RAB27B: variants seen among roughly 807,000 people sequenced by gnomAD.
RAB27B encodes the protein ras-related protein Rab-27B.
RAB27B carries 15 observed loss-of-function variants against 24.6 expected under a neutral mutation model. The observed-to-expected ratio is 0.61, with a 90% CI of 0.41 to 0.94. The LOEUF is 0.94. Ranked by LOEUF, RAB27B falls within the 40% of genes least tolerant of loss-of-function variation. RAB27B has a pLI of 0.00. For missense variants in RAB27B, 261 were observed against 266.8 expected (o/e 0.98, Z 0.15); for synonymous variants, 105 against 92.5 (o/e 1.14, Z -0.78).
intron 1 of RAB27B, among the ~76,000 whole-genome samples, chr18:54,831,211 A>G (rs565139585): frequency 1.3e-5 from 2 of 152,306 alleles, no homozygotes; most frequent in African/African-American, 4.8e-5. Flanking sequence ...GAAAAGCCTC[A>G]CTGAGATGAT....
At chr18:54,790,249 GA>G (rs939189260) in intron 2 of RAB27B, among the ~76,000 whole-genome samples, 32 of 151,660 alleles carry the variant, frequency 2.1e-4, no homozygotes, top group African/African-American at 3.4e-4. Flanking sequence ...ATATTTAAGA[GA>G]AAAAAAAGAT....
chr18:54,851,193 T>C (rs1486416194), intron 1 of RAB27B, among the ~76,000 whole-genome samples: 1 of 152,210 alleles, frequency 6.6e-6, no homozygotes, highest in African/African-American at 2.4e-5. Flanking sequence ...TTGGTTTGGT[T>C]TGCTAAGTGC....
chr18:54,788,719 A>G (rs548208562), intron 2 of RAB27B, among the ~76,000 whole-genome samples: 1 of 152,358 alleles, frequency 6.6e-6, no homozygotes, highest in Non-Finnish European at 1.5e-5. Context: ...AATAAAGAAT[A>G]AAGGATAATA....
chr18:54,773,144 G>C (rs145140835), intron 2 of RAB27B, among the ~76,000 whole-genome samples: 1 of 152,134 alleles, frequency 6.6e-6, no homozygotes, highest in East Asian at 1.9e-4. Flanking sequence ...AAATTGAGCA[G>C]ACATTAGCTT....
rs188980415 is a variant in RAB27B, at chr18:54,885,532, T to C, written c.343+1096T>C. Among the ~76,000 whole-genome samples, 22 of 152,290 alleles carry C rather than the reference T, an allele frequency of 1.4e-4. 1 individual carries two copies. Among genetic ancestry groups the C allele is most frequent in the African/African-American group, 5.3e-4 (22 of 41,576 alleles). On this transcript the variant is annotated intron_variant, in intron 4 of 5. Transcript: ENST00000262094. Reference sequence around the variant, plus strand: ...CCTTTATCTTTTTTCTCTTCTCTCATTTACAGCCCTGTGCTAGTTTCTTCA... The same window carrying C: ...CCTTTATCTTTTTTCTCTTCTCTCACTTACAGCCCTGTGCTAGTTTCTTCA...
At chr18:54,806,691 T>C (rs1909801176) in intron 2 of RAB27B, among the ~76,000 whole-genome samples, 1 of 151,550 alleles carries the variant, frequency 6.6e-6, no homozygotes, top group Admixed American at 6.6e-5. Flanking sequence ...TGTTAGTTAC[T>C]ATCAAGCTGA....
At chr18:54,791,996 C>T (rs1012241889) in intron 2 of RAB27B, among the ~76,000 whole-genome samples, 1 of 152,198 alleles carries the variant, frequency 6.6e-6, no homozygotes, top group Admixed American at 6.5e-5. Context: ...AAACTTTGCA[C>T]TCAATCTCCA....
At chr18:54,838,393 T>A (rs1910977430) in intron 1 of RAB27B, among the ~76,000 whole-genome samples, 1 of 152,162 alleles carries the variant, frequency 6.6e-6, no homozygotes, top group Non-Finnish European at 1.5e-5. Context: ...ATATTTTTTT[T>A]CTAGTCCACT....
In RAB27B at chr18:54,884,408, G is replaced by A; in HGVS notation, c.315G>A (p.Gln105=). The change falls in exon 4 of 6, where the codon CAG becomes CAA. Residue 105 remains glutamine (Q), a synonymous_variant. Coordinates refer to ENST00000262094, the MANE Select transcript of RAB27B (RefSeq NM_004163.4). ...FLLMFDLTSQ[Q]SFLNVRNWMS... ...TAATGTTTGACCTCACCAGTCAACAGAGCTTCTTAAATGTCAGAAACTGGA... is the reference window on the plus strand; with the variant it reads ...TAATGTTTGACCTCACCAGTCAACAAAGCTTCTTAAATGTCAGAAACTGGA... The A allele has an allele frequency of 1.9e-6, 3 of 1,611,890 alleles. No homozygotes were observed. The highest frequency in any genetic ancestry group is 2.5e-6 in the Non-Finnish European group (3 of 1,178,236).
chr18:54,788,460 A>C (rs137878893), intron 2 of RAB27B, among the ~76,000 whole-genome samples: 2,950 of 152,152 alleles, frequency 0.019, 101 homozygotes, highest in African/African-American at 0.067. Flanking sequence ...CTGACACCAC[A>C]CCCAGCTAAT....
At chr18:54,844,395 T>C (rs916065462) in intron 1 of RAB27B, among the ~76,000 whole-genome samples, 4 of 97,470 alleles carry the variant, frequency 4.1e-5, no homozygotes, top group African/African-American at 1.7e-4. Flanking sequence ...TCTTTCTTTC[T>C]TTCTTTTCTT....
intron 2 of RAB27B, among the ~76,000 whole-genome samples, chr18:54,724,167 A>G (rs954709772): frequency 6.6e-6 from 1 of 151,656 alleles, no homozygotes; most frequent in Non-Finnish European, 1.5e-5. Flanking sequence ...TGAGTCTCAC[A>G]AAATATTAAT....
Position 54,877,547 on chromosome 18 carries a change from G to C in RAB27B, c.-19-20G>C, listed in dbSNP as rs762201156. On this transcript the variant is annotated intron_variant, in intron 1 of 5. Transcript: ENST00000262094. ...AATCAACTTTAATCAAAACATACTT[G>C]TTTTCCCTCTCCTATACAGACCGAC... The C allele has an allele frequency of 7.4e-7, 1 of 1,350,078 alleles. No homozygotes were observed. Among genetic ancestry groups the C allele is most frequent in the Non-Finnish European group, 9.7e-7 (1 of 1,035,716 alleles). 83.6% of individuals were successfully genotyped at this position (1,350,078 alleles called of 1,614,324 possible).
At chr18:54,871,279 T>G (rs960642830) in intron 1 of RAB27B, among the ~76,000 whole-genome samples, 1 of 152,132 alleles carries the variant, frequency 6.6e-6, no homozygotes, top group African/African-American at 2.4e-5. Context: ...GTCCTTAGAG[T>G]ACTTTAGCCA....
intron 2 of RAB27B, among the ~76,000 whole-genome samples, chr18:54,807,710 T>C (rs1568074102): frequency 6.6e-6 from 1 of 152,172 alleles, no homozygotes. Context: ...GAACATTCAC[T>C]GGGGAACTGA....
chr18:54,811,167 G>A (rs1222912335), intron 2 of RAB27B, among the ~76,000 whole-genome samples: 11 of 152,098 alleles, frequency 7.2e-5, no homozygotes, highest in Non-Finnish European at 8.8e-5. Flanking sequence ...AAGTTTTAGA[G>A]GGGGGAAGAG....
At chr18:54,757,327 A>T (rs1200036619) in intron 2 of RAB27B, among the ~76,000 whole-genome samples, 1 of 152,176 alleles carries the variant, frequency 6.6e-6, no homozygotes, top group Non-Finnish European at 1.5e-5. Context: ...GGGCTCAGGA[A>T]AAAAGCTATT....
chr18:54,887,021 T>TCCTCCCTC lies in RAB27B; in HGVS notation c.344-958_344-951dup, dbSNP rs1173610191. Among the ~76,000 whole-genome samples the TCCTCCCTC allele has an allele frequency of 3.2e-4, 23 of 72,936 alleles. No individual in the cohort carries two copies. The South Asian group carries it at 5.0e-3, about 16-fold the overall frequency. 47.8% of individuals were successfully genotyped at this position (72,936 alleles called of 152,430 possible). ...CTCCCCTCGCCAACTCTCCCTCCCT[T>TCCTCCCTC]CCTCCCTCCCTCCCTCCCTCCCTTC... is the stretch of plus-strand genomic sequence containing the variant. On this transcript the variant is annotated intron_variant, in intron 4 of 5. Coordinates refer to ENST00000262094, the MANE Select transcript of RAB27B (RefSeq NM_004163.4).
chr18:54,881,170 G>C (rs1912908922), intron 3 of RAB27B, among the ~76,000 whole-genome samples: 1 of 152,134 alleles, frequency 6.6e-6, no homozygotes, highest in African/African-American at 2.4e-5. Context: ...CACTCAATGC[G>C]CTAGAAGCCA....
Sources: gnomAD v4.1 joint callset for allele counts (sites outside exome capture counted in the v4.1 genomes callset) on GRCh38, gnomAD v4.1.1 for gene constraint, MANE v1.5 for transcripts, NCBI Gene and HGNC (gene_info 2026-07-23, HGNC 2026-07-21) for gene names.